Variants in SPIDR observed in about 807,000 individuals in gnomAD.
The protein encoded by SPIDR is DNA repair-scaffolding protein.
SPIDR carries 93 observed loss-of-function variants against 104.6 expected under a neutral mutation model. That is an observed-to-expected ratio of 0.89 (90% CI 0.75 to 1.06). The LOEUF (loss-of-function observed/expected upper bound fraction) is 1.06, where lower values mean the gene tolerates loss of function less well. SPIDR is among the 50% of genes least tolerant of loss of function. The pLI is 0.00. For missense variants in SPIDR, 1,154 were observed against 1,111.2 expected, an observed-to-expected ratio of 1.04 and a Z score of -0.55; for synonymous variants, 431 against 416.9, an observed-to-expected ratio of 1.03 and a Z score of -0.41.
At chr8:47,492,782 G>A (rs966229714) in intron 8 of SPIDR, among the ~76,000 whole-genome samples, 3 of 152,116 alleles carry the variant, frequency 2.0e-5, no homozygotes, top group Non-Finnish European at 2.9e-5. Context: ...GTTAGAGCCC[G>A]CTTCTCAGTA....
chr8:47,543,192 G>T (rs2088585486), intron 8 of SPIDR, among the ~76,000 whole-genome samples: 1 of 152,194 alleles, frequency 6.6e-6, no homozygotes. Flanking sequence ...ACCCAAGAGT[G>T]CAATTGCTGA....
intron 8 of SPIDR, among the ~76,000 whole-genome samples, chr8:47,553,831 AT>A (rs762543906): frequency 1.3e-5 from 2 of 152,094 alleles, no homozygotes; most frequent in Non-Finnish European, 2.9e-5. Flanking sequence ...AGGCACTCTG[AT>A]TTTTAGAATT....
intron 10 of SPIDR, among the ~76,000 whole-genome samples, chr8:47,668,457 A>G (rs2075297488): frequency 6.6e-6 from 1 of 152,004 alleles, no homozygotes; most frequent in Non-Finnish European, 1.5e-5. Context: ...AAGCTCCAAC[A>G]TCCATTCATG....
At chr8:47,369,786 G>GC (rs1289591793) in intron 5 of SPIDR, among the ~76,000 whole-genome samples, 1 of 152,154 alleles carries the variant, frequency 6.6e-6, no homozygotes, top group African/African-American at 2.4e-5. Flanking sequence ...AGAACAAAAT[G>GC]CATGCGGAAA....
At chr8:47,720,969 G>C (rs964814687) in intron 16 of SPIDR, among the ~76,000 whole-genome samples, 2 of 152,074 alleles carry the variant, frequency 1.3e-5, no homozygotes, top group Non-Finnish European at 2.9e-5. Context: ...TGTTAGCCAG[G>C]CTGGTCTTGA....
intron 7 of SPIDR, among the ~76,000 whole-genome samples, chr8:47,435,158 C>A (rs1445335467): frequency 6.6e-6 from 1 of 151,944 alleles, no homozygotes; most frequent in Non-Finnish European, 1.5e-5. Context: ...GTGCCTGACT[C>A]ATTTTTATAT....
intron 8 of SPIDR, among the ~76,000 whole-genome samples, chr8:47,584,449 T>C (rs1386486209): frequency 2.0e-5 from 3 of 152,250 alleles, no homozygotes; most frequent in Non-Finnish European, 2.9e-5. Flanking sequence ...TACTGTATTT[T>C]CTGTATCCTA....
chr8:47,657,881 T>C (rs1482862864), intron 10 of SPIDR, among the ~76,000 whole-genome samples: 2 of 151,052 alleles, frequency 1.3e-5, no homozygotes, highest in African/African-American at 4.9e-5. Context: ...AATTTAAAAA[T>C]TTAGCTGGAC....
rs146405358 is a variant in SPIDR at position 47,364,453 on chromosome 8, C to T, written c.526-31923C>T. Among the ~76,000 whole-genome samples the T allele has an allele frequency of 3.1e-3, 466 of 152,280 alleles. 1 individual carries two copies. Among genetic ancestry groups the T allele is most frequent in the African/African-American group, 0.011 (455 of 41,558 alleles). ...CTTGTTCCAAGAAGTGTTTTTGATG[C>T]AGAGCTTCAATGCAAGTTTTGTTTT... On this transcript the variant is annotated intron_variant, in intron 5 of 19. Coordinates refer to ENST00000297423, the MANE Select transcript of SPIDR (RefSeq NM_001080394.4).
chr8:47,575,278 A>G (rs2058943157), intron 8 of SPIDR, among the ~76,000 whole-genome samples: 1 of 152,148 alleles, frequency 6.6e-6, no homozygotes, highest in African/African-American at 2.4e-5. Flanking sequence ...TGGCTTTGTT[A>G]CCTGTGTGTT....
chr8:47,342,498 G>A (rs782654949), intron 5 of SPIDR, among the ~76,000 whole-genome samples: 4 of 151,524 alleles, frequency 2.6e-5, no homozygotes, highest in Non-Finnish European at 4.4e-5. Context: ...CACCACACCC[G>A]GCTAATTTTT....
chr8:47,632,774 A>G (rs2067270587), intron 10 of SPIDR, among the ~76,000 whole-genome samples: 1 of 152,182 alleles, frequency 6.6e-6, no homozygotes, highest in East Asian at 1.9e-4. Context: ...GAACTAATGA[A>G]TAAAGCACAC....
At chr8:47,377,027 A>G (rs1377736458) in intron 5 of SPIDR, among the ~76,000 whole-genome samples, 12 of 152,194 alleles carry the variant, frequency 7.9e-5, no homozygotes, top group Admixed American at 4.6e-4. Flanking sequence ...TGCATGGCCC[A>G]CAAAACCTAA....
chr8:47,680,292 A>G (rs1379101363), intron 11 of SPIDR, among the ~76,000 whole-genome samples: 2 of 152,226 alleles, frequency 1.3e-5, no homozygotes, highest in South Asian at 2.1e-4. Flanking sequence ...AGGAAGCTCA[A>G]TGTCCACCCA....
chr8:47,602,743 C>T (rs543251523), intron 10 of SPIDR, among the ~76,000 whole-genome samples: 41 of 152,248 alleles, frequency 2.7e-4, no homozygotes, highest in African/African-American at 8.2e-4. Flanking sequence ...GTGCCAACCT[C>T]GAAATTAAAA....
At chr8:47,722,927 C>T (rs1174646977) in intron 16 of SPIDR, among the ~76,000 whole-genome samples, 2 of 152,044 alleles carry the variant, frequency 1.3e-5, no homozygotes, top group African/African-American at 4.8e-5. Context: ...CAACCTTGAA[C>T]TCTTGAGCTA....
intron 5 of SPIDR, among the ~76,000 whole-genome samples, chr8:47,316,094 A>G (rs1351205027): frequency 6.6e-6 from 1 of 152,214 alleles, no homozygotes; most frequent in Non-Finnish European, 1.5e-5. Context: ...ATGTAAAGAA[A>G]TTCTACAACT....
At chr8:47,700,215 C>T (rs2154482096) in intron 11 of SPIDR, among the ~76,000 whole-genome samples, 188 bp from the exon 12 acceptor site, 1 of 152,258 alleles carries the variant, frequency 6.6e-6, no homozygotes, top group African/African-American at 2.4e-5. Context: ...TCCTGTTGTG[C>T]AGTTGGTTTC....
At chr8:47,362,774 C>T (rs1223422969) in intron 5 of SPIDR, among the ~76,000 whole-genome samples, 1 of 152,088 alleles carries the variant, frequency 6.6e-6, no homozygotes, top group Non-Finnish European at 1.5e-5. Context: ...TTCAGCCTCC[C>T]GAGTAGCTGG....
Sources: gnomAD v4.1 joint callset for allele counts (sites outside exome capture counted in the v4.1 genomes callset) on GRCh38, gnomAD v4.1.1 for gene constraint, MANE v1.5 for transcripts, NCBI Gene and HGNC (gene_info 2026-07-23, HGNC 2026-07-21) for gene names.